OPHN1: variants seen among roughly 807,000 people sequenced by gnomAD.
The protein encoded by OPHN1 is oligophrenin-1.
OPHN1 carries 11 observed loss-of-function variants against 60.7 expected under a neutral mutation model. The observed-to-expected ratio is 0.18, with a 90% CI of 0.11 to 0.30. The LOEUF (loss-of-function observed/expected upper bound fraction) is 0.30, where lower values mean the gene tolerates loss of function less well. Ranked by LOEUF, OPHN1 falls within the 10% of genes least tolerant of loss-of-function variation. The pLI is 1.00. For synonymous variants in OPHN1, 226 were observed against 222.6 expected, an observed-to-expected ratio of 1.02 and a Z score of -0.14; for missense variants, 449 against 611.0, an observed-to-expected ratio of 0.73 and a Z score of 2.80.
chrX:68,393,885 G>GCTTTTTTTT (rs2078666953), intron 2 of OPHN1, among the ~76,000 whole-genome samples: 1 of 34,600 alleles, frequency 2.9e-5, no homozygotes, highest in Admixed American at 5.3e-4. Context: ...AATAGACTTT[G>GCTTTTTTTT]TTTTTTTTTT....
chrX:68,297,911 G>A (rs1238309798), intron 3 of OPHN1, among the ~76,000 whole-genome samples: 1 of 111,416 alleles, frequency 9.0e-6, no homozygotes, highest in East Asian at 2.8e-4. Context: ...AGACTTAAAG[G>A]ATAATATAAA....
rs185093416 is a variant in OPHN1 at position 68,232,323 on chromosome X, C to T, written c.486+2164G>A. 7.1e-3 allele frequency among the ~76,000 whole-genome samples: 788 copies of T among 111,438 alleles called. 2 individuals are homozygous for T. The highest frequency in any genetic ancestry group is 0.025 in the African/African-American group (765 of 30,668). ...CAGCTAAGATTTATTTCAGTGAAAG[C>T]GTACACAGCCGACTGAGCAAAGAGA... is the stretch of plus-strand genomic sequence containing the variant. On this transcript the variant is annotated intron_variant, in intron 6 of 24. Transcript: ENST00000355520.
chrX:68,249,030 G>T (rs1159599852), intron 5 of OPHN1, among the ~76,000 whole-genome samples: 1 of 111,521 alleles, frequency 9.0e-6, no homozygotes, highest in Non-Finnish European at 1.9e-5. Flanking sequence ...CCTACTATCG[G>T]ATAGCAATAC....
intron 2 of OPHN1, among the ~76,000 whole-genome samples, chrX:68,300,442 C>T (rs1392875989): frequency 6.2e-5 from 7 of 112,328 alleles, no homozygotes; most frequent in Non-Finnish European, 9.4e-5. Context: ...ACTCTTTGAA[C>T]GAATCACTGA....
At chrX:68,369,434 A>G (rs916525390) in intron 2 of OPHN1, among the ~76,000 whole-genome samples, 1 of 111,595 alleles carries the variant, frequency 9.0e-6, no homozygotes, top group Admixed American at 9.7e-5. Context: ...TTCAACAACA[A>G]CAAAAAAATC....
chrX:68,209,449 G>A lies in OPHN1; in HGVS notation c.832+704C>T, dbSNP rs749070338. Reference sequence around the variant, plus strand: ...AGTGTAGTGGTAGGTGCCTTTAGGTGCAGCCACTCAGGAGGCTGAGGTAGG... The same window carrying A: ...AGTGTAGTGGTAGGTGCCTTTAGGTACAGCCACTCAGGAGGCTGAGGTAGG... On this transcript the variant is annotated intron_variant, in intron 9 of 24. Coordinates refer to ENST00000355520, the MANE Select transcript of OPHN1 (RefSeq NM_002547.3). Among the ~76,000 whole-genome samples, 5 of 111,710 alleles carry A rather than the reference G, an allele frequency of 4.5e-5. No individual in the cohort carries two copies. The Admixed American group carries it at 4.8e-4, about 11-fold the overall frequency.
chrX:68,269,694 TA>T, intron 5 of OPHN1, among the ~76,000 whole-genome samples: 1 of 111,836 alleles, frequency 8.9e-6, no homozygotes, highest in Non-Finnish European at 1.9e-5. Context: ...ACTTCATGTC[TA>T]AAACACCAAA....
intron 6 of OPHN1, among the ~76,000 whole-genome samples, chrX:68,230,991 A>C (rs1172525624): frequency 8.9e-6 from 1 of 112,075 alleles, no homozygotes; most frequent in South Asian, 3.7e-4. Context: ...CTTTGAAAAA[A>C]ATCAATAAAA....
chrX:68,364,967 T>G (rs1267609435), intron 2 of OPHN1, among the ~76,000 whole-genome samples: 1 of 111,593 alleles, frequency 9.0e-6, no homozygotes, highest in Non-Finnish European at 1.9e-5. Context: ...ATCTGTGCAA[T>G]GGGAATAACA....
intron 5 of OPHN1, among the ~76,000 whole-genome samples, chrX:68,255,143 C>T (rs896685845): frequency 9.2e-6 from 1 of 108,852 alleles, no homozygotes; most frequent in Admixed American, 1.0e-4. Context: ...AAGAGAACCA[C>T]GGAGAAAAGA....
intron 5 of OPHN1, among the ~76,000 whole-genome samples, chrX:68,244,327 C>T (rs2077795445): frequency 8.9e-6 from 1 of 112,287 alleles, no homozygotes; most frequent in Non-Finnish European, 1.9e-5. Context: ...CAAGTAACAT[C>T]GAATCACCGA....
intron 15 of OPHN1, among the ~76,000 whole-genome samples, chrX:68,148,911 T>C (rs762485668): frequency 1.6e-4 from 18 of 111,597 alleles, no homozygotes; most frequent in Non-Finnish European, 2.6e-4. Flanking sequence ...TATTCATCTC[T>C]ATAGCAATGT....
At chrX:68,303,984 C>T (rs67555027) in intron 2 of OPHN1, among the ~76,000 whole-genome samples, 11,406 of 110,593 alleles carry the variant, frequency 0.1, 1,375 homozygotes, top group African/African-American at 0.35. Flanking sequence ...TATGGCTAGA[C>T]AGAAGAAAAA....
At chrX:68,048,332 T>C in intron 24 of OPHN1, 84 bp downstream of exon 24, 1 of 875,288 alleles carries the variant, frequency 1.1e-6, no homozygotes, top group Non-Finnish European at 1.7e-6. Context: ...GATCTACATG[T>C]TATTCCAGTC....
chrX:68,159,408 T>C (rs2077324031), intron 15 of OPHN1, among the ~76,000 whole-genome samples: 1 of 111,970 alleles, frequency 8.9e-6, no homozygotes, highest in East Asian at 2.8e-4. Flanking sequence ...GAGCAGATTA[T>C]GTCCCAGGAA....
At chrX:68,054,197 T>C (rs913706352) in intron 21 of OPHN1, among the ~76,000 whole-genome samples, 1 of 111,283 alleles carries the variant, frequency 9.0e-6, no homozygotes, top group African/African-American at 3.3e-5. Flanking sequence ...CTGATGATGA[T>C]GAATTTGAAT....
chrX:68,159,434 G>T (rs1347955932), intron 15 of OPHN1, among the ~76,000 whole-genome samples: 1 of 111,852 alleles, frequency 8.9e-6, no homozygotes, highest in Non-Finnish European at 1.9e-5. Flanking sequence ...CAAAGTCAAT[G>T]TAGCAATCGG....
intron 15 of OPHN1, among the ~76,000 whole-genome samples, chrX:68,179,736 T>C (rs772577302): frequency 8.9e-6 from 1 of 112,139 alleles, no homozygotes; most frequent in Non-Finnish European, 1.9e-5. Context: ...TACCACAGAC[T>C]GGGTAATTTA....
intron 2 of OPHN1, among the ~76,000 whole-genome samples, chrX:68,351,567 T>C (rs1451596590): frequency 8.9e-6 from 1 of 112,094 alleles, no homozygotes; most frequent in East Asian, 2.8e-4. Flanking sequence ...TGAATTACCC[T>C]GTCTCTCTCA....
Sources: gnomAD v4.1 joint callset for allele counts (sites outside exome capture counted in the v4.1 genomes callset) on GRCh38, gnomAD v4.1.1 for gene constraint, MANE v1.5 for transcripts, NCBI Gene and HGNC (gene_info 2026-07-23, HGNC 2026-07-21) for gene names.